The following IMMP2L variants were observed in gnomAD, a reference collection of about 807,000 sequenced individuals.
IMMP2L encodes mitochondrial inner membrane protease subunit 2.
Under a neutral mutation model 19.3 loss-of-function variants are expected in IMMP2L, and 18 were observed. That is an observed-to-expected ratio of 0.93 (90% CI 0.64 to 1.38). The LOEUF is 1.38. IMMP2L is among the 40% of genes most tolerant of loss of function. The probability of loss-of-function intolerance (pLI) is 0.00; values close to 1 mark genes in which losing one functional copy is unlikely to be tolerated. For missense variants in IMMP2L, 233 were observed against 218.2 expected (o/e 1.07, Z -0.43); for synonymous variants, 76 against 73.0 (o/e 1.04, Z -0.21).
At chr7:111,304,669 AATGTGTGTGTGTGTGT>A (rs1822649530) in intron 3 of IMMP2L, among the ~76,000 whole-genome samples, 1 of 60,594 alleles carries the variant, frequency 1.7e-5, no homozygotes, top group Non-Finnish European at 3.5e-5. Flanking sequence ...ACACATATAT[AATGTGTGTGTGTGTGT>A]GTGTGTGTGT....
chr7:111,183,810 T>C (rs1807974701), intron 3 of IMMP2L, among the ~76,000 whole-genome samples: 1 of 152,068 alleles, frequency 6.6e-6, no homozygotes, highest in South Asian at 2.1e-4. Context: ...GTGAAATATC[T>C]GACATAAAAC....
At chr7:111,153,200 T>C (rs903982668) in intron 3 of IMMP2L, among the ~76,000 whole-genome samples, 2 of 152,128 alleles carry the variant, frequency 1.3e-5, no homozygotes, top group Non-Finnish European at 2.9e-5. Flanking sequence ...AGAAGAGTAT[T>C]TAAAAGTCAT....
intron 4 of IMMP2L, among the ~76,000 whole-genome samples, chr7:110,962,156 T>C (rs908800094): frequency 7.9e-5 from 12 of 151,990 alleles, no homozygotes; most frequent in South Asian, 4.1e-4. Context: ...ACATGAAAAT[T>C]GTTGCTACGA....
chr7:110,898,371 G>C (rs1401766647), intron 4 of IMMP2L, among the ~76,000 whole-genome samples: 14 of 152,096 alleles, frequency 9.2e-5, no homozygotes, highest in Non-Finnish European at 2.1e-4. Flanking sequence ...AACAGAGGAT[G>C]AATCAAGTTC....
intron 3 of IMMP2L, among the ~76,000 whole-genome samples, chr7:111,015,912 A>G (rs1349106267): frequency 6.6e-6 from 1 of 152,054 alleles, no homozygotes; most frequent in African/African-American, 2.4e-5. Context: ...CACTTCAAAC[A>G]CTCTTAAGAA....
rs1341906221 is a variant in IMMP2L, at chr7:110,727,373, AGAGT to A, written c.409-63656_409-63653del. On this transcript the variant is annotated intron_variant, in intron 5 of 5. Transcript: ENST00000405709. The surrounding 1 kb of genome is among the most constrained non-coding windows in gnomAD (Gnocchi z 4.3). The stretch of plus-strand genomic sequence containing the variant: ...GCCACAGCACTCCAGCCTGGATGAC[AGAGT>A]GAGACTCTGTCTCTAAATAAATAAA... 6.7e-6 allele frequency among the ~76,000 whole-genome samples: 1 copy of A among 149,784 alleles called. No homozygotes were observed. The highest frequency in any genetic ancestry group is 1.9e-4 in the East Asian group (1 of 5,178).
chr7:110,947,351 C>T (rs956454477), intron 4 of IMMP2L, among the ~76,000 whole-genome samples: 1 of 152,078 alleles, frequency 6.6e-6, no homozygotes, highest in African/African-American at 2.4e-5. Context: ...AATACTAGGG[C>T]TCAGGAACAT....
chr7:111,315,874 C>A (rs1038603736), intron 3 of IMMP2L, among the ~76,000 whole-genome samples: 1 of 152,026 alleles, frequency 6.6e-6, no homozygotes, highest in African/African-American at 2.4e-5. Flanking sequence ...TTAAACCACA[C>A]CTGAACAACA....
intron 5 of IMMP2L, among the ~76,000 whole-genome samples, chr7:110,835,647 A>ATT (rs113965754): frequency 0.01 from 1,532 of 149,850 alleles, 27 homozygotes; most frequent in African/African-American, 0.035. Flanking sequence ...ACTCAGTAGC[A>ATT]TTTTTTTTTT....
At chr7:111,522,075 T>C (rs1846382750) in intron 1 of IMMP2L, among the ~76,000 whole-genome samples, 1 of 152,076 alleles carries the variant, frequency 6.6e-6, no homozygotes. Context: ...AGCAACAAAA[T>C]GGAACGATCC....
At chr7:110,879,498 G>T (rs1809429357) in intron 5 of IMMP2L, among the ~76,000 whole-genome samples, 1 of 151,882 alleles carries the variant, frequency 6.6e-6, no homozygotes, top group African/African-American at 2.4e-5. Flanking sequence ...ACTGTAACTT[G>T]GTGTCTTTGT....
chr7:111,002,408 T>A (rs1037014916), intron 3 of IMMP2L, among the ~76,000 whole-genome samples: 9 of 152,104 alleles, frequency 5.9e-5, no homozygotes, highest in Admixed American at 2.6e-4. Flanking sequence ...AACAAATTCC[T>A]CAAATAAAGA....
At chr7:111,391,798 C>A (rs1832376982) in intron 3 of IMMP2L, 2 of 683,196 alleles carry the variant, frequency 2.9e-6, no homozygotes, top group Admixed American at 4.3e-5. Context: ...TTCAAGGAAA[C>A]CTGAATAGAG....
At chr7:110,872,371 A>T (rs1808619139) in intron 5 of IMMP2L, among the ~76,000 whole-genome samples, 1 of 152,126 alleles carries the variant, frequency 6.6e-6, no homozygotes, top group African/African-American at 2.4e-5. Context: ...CTTTCTTGCT[A>T]GATATCACTT....
chr7:111,503,570 A>G (rs1844540651), intron 2 of IMMP2L, among the ~76,000 whole-genome samples: 1 of 152,190 alleles, frequency 6.6e-6, no homozygotes, highest in African/African-American at 2.4e-5. Flanking sequence ...AAAAATCCTC[A>G]ATAAAATACT....
intron 1 of IMMP2L, among the ~76,000 whole-genome samples, chr7:111,533,199 C>T (rs1847564491): frequency 6.6e-6 from 1 of 152,120 alleles, no homozygotes; most frequent in Admixed American, 6.5e-5. Context: ...GTCTGTTGCA[C>T]AAAAAGTCCA....
chr7:111,274,782 A>C (rs953088170), intron 3 of IMMP2L, among the ~76,000 whole-genome samples: 1 of 152,212 alleles, frequency 6.6e-6, no homozygotes, highest in Non-Finnish European at 1.5e-5. Flanking sequence ...GCAAACAGGC[A>C]CATGTCCCAG....
chr7:111,201,049 T>C (rs1810047744), intron 3 of IMMP2L, among the ~76,000 whole-genome samples: 1 of 152,188 alleles, frequency 6.6e-6, no homozygotes, highest in Non-Finnish European at 1.5e-5. Flanking sequence ...ATCCTACTCA[T>C]ACAATCCTGA....
chr7:111,458,475 C>T (rs1464955182), intron 3 of IMMP2L, among the ~76,000 whole-genome samples: 2 of 152,024 alleles, frequency 1.3e-5, no homozygotes, highest in Non-Finnish European at 2.9e-5. Context: ...ATTGTACCAC[C>T]CTAAGTTACC....
Sources: allele counts gnomAD v4.1 joint callset (sites outside exome capture counted in the v4.1 genomes callset), GRCh38; gene constraint gnomAD v4.1.1; non-coding constraint Gnocchi (gnomAD v3.1); transcripts MANE v1.5; gene names NCBI Gene and HGNC (gene_info 2026-07-23, HGNC 2026-07-21).